HPSE2: variants seen among roughly 807,000 people sequenced by gnomAD.
HPSE2 encodes inactive heparanase-2.
HPSE2 carries 38 observed loss-of-function variants against 60.5 expected under a neutral mutation model. That is an observed-to-expected ratio of 0.63 (90% CI 0.48 to 0.82). The LOEUF (loss-of-function observed/expected upper bound fraction) is 0.82, where lower values mean the gene tolerates loss of function less well. Ranked by LOEUF, HPSE2 falls within the 40% of genes least tolerant of loss-of-function variation. The pLI, the probability that HPSE2 is intolerant of heterozygous loss-of-function variation, is 0.00. For missense variants in HPSE2, 713 were observed against 740.4 expected (o/e 0.96, Z 0.43); for synonymous variants, 295 against 293.2 (o/e 1.01, Z -0.06).
At chr10:99,224,608 T>C (rs1208821447) in intron 2 of HPSE2, among the ~76,000 whole-genome samples, 2 of 152,072 alleles carry the variant, frequency 1.3e-5, no homozygotes. Flanking sequence ...CCAGATCACA[T>C]GACCAGCAGA....
the HPSE2 span, among the ~76,000 whole-genome samples, chr10:99,285,461 GGGAAGGAA>G: frequency 3.3e-5 from 4 of 119,600 alleles, no homozygotes; most frequent in East Asian, 1.1e-3. Context: ...ATGAAAGAAA[GGGAAGGAA>G]GGAAGGAAGG....
chr10:98,689,033 T>C (rs1203293039), intron 6 of HPSE2, among the ~76,000 whole-genome samples: 2 of 152,276 alleles, frequency 1.3e-5, no homozygotes, highest in Admixed American at 6.5e-5. Flanking sequence ...ACGTTATTTT[T>C]GTTCTCAGCA....
chr10:98,976,525 T>C (rs752287737), intron 3 of HPSE2, among the ~76,000 whole-genome samples: 3 of 152,162 alleles, frequency 2.0e-5, no homozygotes, highest in Non-Finnish European at 2.9e-5. Context: ...GGGAGCTGCA[T>C]ATTAAATTTC....
At chr10:99,112,415 G>GTTTTGTTTTGTTTTGTTT (rs1564816573) in intron 3 of HPSE2, among the ~76,000 whole-genome samples, 26 of 136,012 alleles carry the variant, frequency 1.9e-4, no homozygotes, top group African/African-American at 6.7e-4. Context: ...TTTTTTTGTT[G>GTTTTGTTTTGTTTTGTTT]TGTTTTGTTT....
intron 6 of HPSE2, among the ~76,000 whole-genome samples, chr10:98,681,075 A>AT (rs35135455): frequency 0.89 from 132,388 of 148,190 alleles, 60,239 homozygotes; most frequent in Non-Finnish European, 0.99. Flanking sequence ...TGAATTGGTC[A>AT]TTTTTTTTTT....
chr10:99,081,074 G>T (rs562776839), intron 3 of HPSE2, among the ~76,000 whole-genome samples: 19 of 152,192 alleles, frequency 1.2e-4, no homozygotes, highest in Non-Finnish European at 2.6e-4. Context: ...GATTACAGGG[G>T]TGAACCACCA....
intron 3 of HPSE2, among the ~76,000 whole-genome samples, chr10:99,108,745 T>C (rs1336796827): frequency 6.6e-6 from 1 of 152,202 alleles, no homozygotes. Flanking sequence ...TTAGATGCTC[T>C]TGTAAGTGAC....
At chr10:99,062,440 TCA>T (rs1026815295) in intron 3 of HPSE2, among the ~76,000 whole-genome samples, 6 of 152,184 alleles carry the variant, frequency 3.9e-5, no homozygotes, top group Admixed American at 6.5e-5. Context: ...TTCTTCTTAT[TCA>T]CAGACATTTG....
At chr10:99,007,557 T>C (rs545407439) in intron 3 of HPSE2, among the ~76,000 whole-genome samples, 2 of 152,238 alleles carry the variant, frequency 1.3e-5, no homozygotes, top group Non-Finnish European at 2.9e-5. Flanking sequence ...AGTGATGTTT[T>C]TGCAGAGGAC....
In HPSE2 at chr10:98,721,810, G is replaced by A; in HGVS notation, c.803C>T (p.Thr268Ile). The part of the protein sequence containing the change: ...ELGNEPNNYR[T>I]MHGRAVNGSQ... ...GCCATTTACTGCCCGGCCATGCATG[G>A]TCCGATAGTTATTTGGCTCTAGATT... The change falls in exon 5 of 12, where the codon ACC (threonine) becomes ATC (isoleucine). Residue 268 changes from threonine to isoleucine, a missense_variant. By Grantham distance (89) the Thr-to-Ile change is moderately conservative. Transcript: ENST00000370552. 2 of 1,613,362 alleles carry A rather than the reference G, an allele frequency of 1.2e-6. No individual in the cohort carries two copies. The highest frequency in any genetic ancestry group is 1.3e-5 in the African/African-American group (1 of 74,846).
chr10:98,688,985 T>C (rs1948003842), intron 6 of HPSE2, among the ~76,000 whole-genome samples: 1 of 152,116 alleles, frequency 6.6e-6, no homozygotes, highest in Non-Finnish European at 1.5e-5. Context: ...TCCCTATATA[T>C]GAAGTGTTAT....
At chr10:98,860,307 T>C (rs1163168386) in intron 3 of HPSE2, among the ~76,000 whole-genome samples, 1 of 152,196 alleles carries the variant, frequency 6.6e-6, no homozygotes, top group African/African-American at 2.4e-5. Flanking sequence ...AGTCTATGCC[T>C]TGAATTCTTT....
chr10:98,667,778 A>C (rs1027251961), intron 6 of HPSE2, among the ~76,000 whole-genome samples: 1 of 152,100 alleles, frequency 6.6e-6, no homozygotes, highest in Non-Finnish European at 1.5e-5. Flanking sequence ...AGGCACATAC[A>C]TCAAAATAAT....
chr10:99,164,227 TTA>T (rs60497589), intron 2 of HPSE2, among the ~76,000 whole-genome samples: 24 of 33,990 alleles, frequency 7.1e-4, no homozygotes, highest in Admixed American at 1.4e-3. Flanking sequence ...TATTCAAGCA[TTA>T]TATATATATA....
In HPSE2 at chr10:98,602,261, T is replaced by C. The variant is rs76755464; in HGVS notation, c.1320+12643A>G. Among the ~76,000 whole-genome samples the C allele has an allele frequency of 4.8e-3, 726 of 152,292 alleles. 1 individual carries two copies. Among genetic ancestry groups the C allele is most frequent in the Non-Finnish European group, 8.3e-3 (564 of 68,024 alleles). ...GAGGGTGAGGGAAAGGATGTTTATT[T>C]TGACAATGGGATAGCAAGCCCTGTG... On this transcript the variant is annotated intron_variant, in intron 9 of 11. Coordinates refer to ENST00000370552, the MANE Select transcript of HPSE2 (RefSeq NM_021828.5).
Position 99,034,498 on chromosome 10 carries a change from T to G in HPSE2, c.610+109740A>C, listed in dbSNP as rs115313040. Among the ~76,000 whole-genome samples the G allele has an allele frequency of 5.1e-3, 779 of 152,280 alleles. 5 individuals are homozygous for G. The highest frequency in any genetic ancestry group is 0.018 in the African/African-American group (742 of 41,562). ...GAGTAAAGCTTATTGTTTCTAATTT[T>G]TTTAATTCACCACAATGTCAGAGGA... On this transcript the variant is annotated intron_variant, in intron 3 of 11. Coordinates refer to ENST00000370552, the MANE Select transcript of HPSE2 (RefSeq NM_021828.5).
intron 3 of HPSE2, among the ~76,000 whole-genome samples, chr10:98,859,378 A>G (rs1340235246): frequency 6.6e-6 from 1 of 152,170 alleles, no homozygotes; most frequent in Non-Finnish European, 1.5e-5. Context: ...CTGATAAAAC[A>G]TTATTTCTTG....
intron 10 of HPSE2, among the ~76,000 whole-genome samples, chr10:98,487,143 G>C (rs887038834): frequency 3.3e-5 from 5 of 152,144 alleles, no homozygotes; most frequent in African/African-American, 1.2e-4. Flanking sequence ...CAGCAGAATG[G>C]CTCATAAAAA....
intron 5 of HPSE2, among the ~76,000 whole-genome samples, chr10:98,718,573 G>T (rs1948846150): frequency 6.6e-6 from 1 of 152,120 alleles, no homozygotes; most frequent in Admixed American, 6.6e-5. Context: ...TAAAGAAAAT[G>T]TAGTATATAT....
Sources: allele counts gnomAD v4.1 joint callset (sites outside exome capture counted in the v4.1 genomes callset), GRCh38; gene constraint gnomAD v4.1.1; transcripts MANE v1.5; gene names NCBI Gene and HGNC (gene_info 2026-07-23, HGNC 2026-07-21).